The following SGMS2 variants were observed in gnomAD, a reference collection of about 807,000 sequenced individuals.
SGMS2 encodes phosphatidylcholine:ceramide cholinephosphotransferase 2.
SGMS2 carries 21 observed loss-of-function variants against 43.8 expected under a neutral mutation model. The ratio of observed to expected loss-of-function variants is 0.48; its 90% CI spans 0.34 to 0.69. SGMS2 has a LOEUF of 0.69. Ranked by LOEUF, SGMS2 falls within the 30% of genes least tolerant of loss-of-function variation. The pLI is 0.01. For synonymous variants in SGMS2, 167 were observed against 160.6 expected (o/e 1.04, Z -0.30); for missense variants, 384 against 443.2 (o/e 0.87, Z 1.20).
intron 2 of SGMS2, among the ~76,000 whole-genome samples, chr4:107,868,662 G>T (rs552858777): frequency 6.6e-6 from 1 of 152,102 alleles, no homozygotes; most frequent in African/African-American, 2.4e-5. Context: ...AGGTTGCAGT[G>T]AGCCGAGATC....
intron 2 of SGMS2, among the ~76,000 whole-genome samples, chr4:107,868,932 T>C (rs549287516): frequency 6.6e-6 from 1 of 152,284 alleles, no homozygotes; most frequent in South Asian, 2.1e-4. Context: ...TTCTTACTAT[T>C]GACAGCCTTT....
At chr4:107,862,857 A>G (rs1208262800) in intron 2 of SGMS2, among the ~76,000 whole-genome samples, 1 of 152,164 alleles carries the variant, frequency 6.6e-6, no homozygotes, top group Non-Finnish European at 1.5e-5. Flanking sequence ...TGTTCTGAAC[A>G]CCTCACTGAA....
chr4:107,848,371 C>A (rs1308876598), intron 1 of SGMS2, among the ~76,000 whole-genome samples: 4 of 152,136 alleles, frequency 2.6e-5, no homozygotes, highest in Non-Finnish European at 4.4e-5. Flanking sequence ...AATAAAGTTG[C>A]TTAAACATTT....
chr4:107,862,788 T>C (rs925149320), intron 2 of SGMS2, among the ~76,000 whole-genome samples: 1 of 152,240 alleles, frequency 6.6e-6, no homozygotes, highest in Non-Finnish European at 1.5e-5. Flanking sequence ...TACCTGTGCC[T>C]GAGTTGTCTT....
intron 2 of SGMS2, among the ~76,000 whole-genome samples, chr4:107,878,553 A>G (rs954775631): frequency 1.3e-5 from 2 of 152,102 alleles, no homozygotes; most frequent in Non-Finnish European, 2.9e-5. Flanking sequence ...TTCCATTAAC[A>G]TACCTACCTA....
At position 107,908,699 on chromosome 4, in the gene SGMS2, T is replaced by G. The variant is rs576782409; in HGVS notation, c.862T>G (p.Phe288Val). ...IIAYYITTRL[F>V]WWYHSMANEK... Reference sequence around the variant, plus strand: ...TGCTTATTATATCACAACACGACTGTTTTGGTGGTACCATTCAATGGCCAA... The same window carrying G: ...TGCTTATTATATCACAACACGACTGGTTTGGTGGTACCATTCAATGGCCAA... The change falls in exon 6 of 7, where the codon TTT (phenylalanine) becomes GTT (valine). Residue 288 changes from phenylalanine (F) to valine (V), a missense_variant. By Grantham distance (50) the Phe-to-Val change is conservative. Transcript: ENST00000690982. 6.2e-7 allele frequency: 1 copy of G among 1,613,828 alleles called. No homozygotes were observed. The highest frequency in any genetic ancestry group is 1.1e-5 in the South Asian group (1 of 91,034).
intron 1 of SGMS2, among the ~76,000 whole-genome samples, chr4:107,837,483 G>A (rs1313878411): frequency 6.6e-6 from 1 of 152,148 alleles, no homozygotes; most frequent in Non-Finnish European, 1.5e-5. Context: ...AGGCCAATCT[G>A]CTGCAGCCTG....
chr4:107,879,994 G>A (rs762956709), intron 2 of SGMS2, among the ~76,000 whole-genome samples: 16 of 152,032 alleles, frequency 1.1e-4, no homozygotes, highest in Non-Finnish European at 1.9e-4. Flanking sequence ...TTGTTAGGCC[G>A]TATCTTTCTC....
At chr4:107,890,050 G>A (rs139011465) in intron 2 of SGMS2, among the ~76,000 whole-genome samples, 21 of 152,170 alleles carry the variant, frequency 1.4e-4, no homozygotes, top group Admixed American at 1.3e-4. Context: ...TTAAAACAAA[G>A]ACATTTTTAA....
At chr4:107,841,808 C>T (rs2125999732) in intron 1 of SGMS2, among the ~76,000 whole-genome samples, 1 of 151,982 alleles carries the variant, frequency 6.6e-6, no homozygotes, top group Middle Eastern at 3.4e-3. Flanking sequence ...CCACCATGTT[C>T]AGCTAAACTT....
rs2126169308 is a variant in SGMS2, at chr4:107,910,483, G to T, written c.1028G>T (p.Cys343Phe). 1 of 1,614,020 alleles carries T rather than the reference G, an allele frequency of 6.2e-7. No individual in the cohort carries two copies. Among genetic ancestry groups the T allele is most frequent in the South Asian group, 1.1e-5 (1 of 91,076 alleles). ...FSWPLSWPPG[C>F]FKSSCKKYSR... ...TGGCCGCTGTCTTGGCCTCCTGGCT[G>T]CTTCAAATCATCATGCAAAAAGTAT... The change falls in exon 7 of 7, where the codon TGC becomes TTC. Residue 343 changes from cysteine to phenylalanine, a missense_variant. Coordinates refer to ENST00000690982, the MANE Select transcript of SGMS2 (RefSeq NM_001375905.1).
chr4:107,842,351 A>G (rs1726566363), intron 1 of SGMS2, among the ~76,000 whole-genome samples: 1 of 152,140 alleles, frequency 6.6e-6, no homozygotes, highest in Non-Finnish European at 1.5e-5. Context: ...GGTGTCTCAC[A>G]TGGCTAGAGC....
intron 1 of SGMS2, among the ~76,000 whole-genome samples, chr4:107,829,033 T>C (rs902599251): frequency 6.6e-6 from 1 of 152,228 alleles, no homozygotes; most frequent in Admixed American, 6.5e-5. Context: ...CTGAAGGACA[T>C]TCTACTTCTA....
rs1173195660 is a variant in SGMS2, at chr4:107,863,640, G to A, written c.-245+5087G>A. 7 of 152,308 alleles carry A rather than the reference G, an allele frequency of 4.6e-5. No homozygotes were observed. In the South Asian group the frequency reaches 1.0e-3, roughly 23 times the overall value. 9.4% of individuals were successfully genotyped at this position (152,308 alleles called of 1,614,324 possible). On this transcript the variant is annotated intron_variant, in intron 2 of 6. Transcript: ENST00000690982. ...GGGTTATGCAGCGGAAAGGCCATGC[G>A]ATCATGGAGCATTGCTTTAGGGCTT...
At chr4:107,827,209 G>A (rs1327909654) in intron 1 of SGMS2, among the ~76,000 whole-genome samples, 2 of 152,168 alleles carry the variant, frequency 1.3e-5, no homozygotes, top group Non-Finnish European at 2.9e-5. Flanking sequence ...CCCACCTTTA[G>A]CGTGTTGTCT....
At chr4:107,843,199 A>G (rs1726620789) in intron 1 of SGMS2, among the ~76,000 whole-genome samples, 1 of 151,150 alleles carries the variant, frequency 6.6e-6, no homozygotes, top group South Asian at 2.1e-4. Context: ...CTTCCTCTTC[A>G]CTTTTTTATA....
At chr4:107,908,378 C>T (rs1252724716) in intron 5 of SGMS2, among the ~76,000 whole-genome samples, 187 bp from the exon 6 acceptor site, 7 of 152,100 alleles carry the variant, frequency 4.6e-5, no homozygotes, top group African/African-American at 1.7e-4. Flanking sequence ...GCCAGGGAGC[C>T]CCTCTGCCTC....
At chr4:107,879,105 G>A (rs1729142378) in intron 2 of SGMS2, among the ~76,000 whole-genome samples, 1 of 105,006 alleles carries the variant, frequency 9.5e-6, no homozygotes, top group Non-Finnish European at 1.8e-5. Flanking sequence ...GGTCTACCTG[G>A]CCATTTTTTT....
intron 2 of SGMS2, among the ~76,000 whole-genome samples, chr4:107,895,058 T>C (rs990958692): frequency 1.3e-5 from 2 of 152,216 alleles, no homozygotes; most frequent in African/African-American, 4.8e-5. Flanking sequence ...TAAGGAAATT[T>C]AAAGGGAACT....
Sources: allele counts gnomAD v4.1 joint callset (sites outside exome capture counted in the v4.1 genomes callset), GRCh38; gene constraint gnomAD v4.1.1; transcripts MANE v1.5; gene names NCBI Gene and HGNC (gene_info 2026-07-23, HGNC 2026-07-21).